The following ATG10 variants were observed in gnomAD, a reference collection of about 807,000 sequenced individuals.
ATG10 encodes the protein autophagy related 10.
ATG10 carries 30 observed loss-of-function variants against 32.1 expected under a neutral mutation model. The ratio of observed to expected loss-of-function variants is 0.94; its 90% CI spans 0.70 to 1.27. The LOEUF (loss-of-function observed/expected upper bound fraction) is 1.27, where lower values mean the gene tolerates loss of function less well. Among genes scored for constraint, ATG10 ranks in the 50% most tolerant of loss-of-function variants. The pLI, the probability that ATG10 is intolerant of heterozygous loss-of-function variation, is 0.00. For missense variants in ATG10, 233 were observed against 262.3 expected (o/e 0.89, Z 0.77); for synonymous variants, 87 against 91.5 (o/e 0.95, Z 0.28).
intron 5 of ATG10, among the ~76,000 whole-genome samples, chr5:82,248,796 C>T (rs1330187297): frequency 2.0e-5 from 3 of 151,780 alleles, no homozygotes. Flanking sequence ...TTCTTTTGAA[C>T]CAAAAGCATT....
chr5:82,229,257 G>A (rs1746253227), intron 5 of ATG10, among the ~76,000 whole-genome samples: 1 of 152,184 alleles, frequency 6.6e-6, no homozygotes, highest in Admixed American at 6.5e-5. Context: ...AGCTGTTACA[G>A]TACTGGAGGA....
intron 3 of ATG10, among the ~76,000 whole-genome samples, chr5:82,076,490 T>G (rs1343225993): frequency 6.6e-6 from 1 of 152,230 alleles, no homozygotes; most frequent in Non-Finnish European, 1.5e-5. Context: ...GAAATCCTCC[T>G]TGGTAACTTT....
intron 2 of ATG10, among the ~76,000 whole-genome samples, chr5:82,057,936 A>G (rs1763653292): frequency 6.6e-6 from 1 of 152,152 alleles, no homozygotes; most frequent in African/African-American, 2.4e-5. Flanking sequence ...ATACAGGACA[A>G]AACTTTCTTA....
At chr5:82,143,705 G>C (rs181242877) in intron 3 of ATG10, among the ~76,000 whole-genome samples, 95 of 152,280 alleles carry the variant, frequency 6.2e-4, no homozygotes, top group Middle Eastern at 3.4e-3. Flanking sequence ...AAAAGAGTTT[G>C]TTATCACTGT....
intron 5 of ATG10, among the ~76,000 whole-genome samples, chr5:82,214,108 A>G (rs549931552): frequency 6.6e-6 from 1 of 152,352 alleles, no homozygotes; most frequent in Admixed American, 6.5e-5. Context: ...GAAGGGTAAG[A>G]TGTCTGCTCA....
At chr5:82,073,859 A>T (rs1406419033) in intron 3 of ATG10, among the ~76,000 whole-genome samples, 1 of 152,166 alleles carries the variant, frequency 6.6e-6, no homozygotes, top group East Asian at 1.9e-4. Context: ...ACAAATGTTC[A>T]CTTTTATTAG....
intron 5 of ATG10, among the ~76,000 whole-genome samples, chr5:82,248,784 G>C (rs934317916): frequency 1.8e-4 from 28 of 151,918 alleles, no homozygotes; most frequent in African/African-American, 6.5e-4. Flanking sequence ...TTATAGGCTT[G>C]ATTCTTTTGA....
At chr5:82,009,918 C>A in intron 2 of ATG10, 1 of 1,611,014 alleles carries the variant, frequency 6.2e-7, no homozygotes, top group Admixed American at 1.7e-5. Context: ...ACACATAAAC[C>A]CTGGAATAAT....
chr5:82,141,056 A>G (rs1384139389), intron 3 of ATG10, among the ~76,000 whole-genome samples: 1 of 121,754 alleles, frequency 8.2e-6, no homozygotes, highest in East Asian at 2.5e-4. Flanking sequence ...ACCAATCCCT[A>G]ATCTCAAGTA....
At chr5:82,231,282 A>G (rs1013469834) in intron 5 of ATG10, among the ~76,000 whole-genome samples, 3 of 152,252 alleles carry the variant, frequency 2.0e-5, no homozygotes, top group African/African-American at 7.2e-5. Flanking sequence ...AATGTAAGAA[A>G]TTGATATGAT....
intron 3 of ATG10, among the ~76,000 whole-genome samples, chr5:82,157,457 T>A (rs1767848897): frequency 7.1e-6 from 1 of 140,788 alleles, no homozygotes. Context: ...CTTGTGACAG[T>A]CACTTACTCA....
At chr5:82,037,621 G>A (rs1762973607) in intron 2 of ATG10, among the ~76,000 whole-genome samples, 1 of 151,922 alleles carries the variant, frequency 6.6e-6, no homozygotes, top group Non-Finnish European at 1.5e-5. Context: ...TTGCTTTAAT[G>A]GAAATGTTTA....
At chr5:82,094,794 C>T (rs1357483804) in intron 3 of ATG10, among the ~76,000 whole-genome samples, 1 of 151,952 alleles carries the variant, frequency 6.6e-6, no homozygotes, top group Non-Finnish European at 1.5e-5. Context: ...CATGCATATA[C>T]ATTGAGTATA....
intron 3 of ATG10, 49 bp from the exon 4 acceptor site, chr5:82,164,350 C>T: frequency 6.4e-7 from 1 of 1,573,712 alleles, no homozygotes. Context: ...CATGTTAGTA[C>T]TTTTCTTATT....
rs369612318 is a variant in ATG10 at position 82,034,419 on chromosome 5, C to T, written c.109-24076C>T. 3.9e-4 allele frequency among the ~76,000 whole-genome samples: 59 copies of T among 152,314 alleles called. No individual in the cohort carries two copies. In the South Asian group the frequency reaches 0.011, roughly 28 times the overall value. On this transcript the variant is annotated intron_variant, in intron 2 of 7. Coordinates refer to ENST00000282185, the MANE Select transcript of ATG10 (RefSeq NM_031482.5). ...TAACACCTTCATTGTACCACCTTAG[C>T]GCAGGCTGTCATCTTTTTTCACCTG...
At chr5:81,991,003 C>A (rs550766227) in intron 2 of ATG10, among the ~76,000 whole-genome samples, 16 of 152,328 alleles carry the variant, frequency 1.1e-4, no homozygotes, top group African/African-American at 3.6e-4. Flanking sequence ...ATTTTATGAC[C>A]TCTGGGATTG....
intron 3 of ATG10, among the ~76,000 whole-genome samples, chr5:82,109,487 G>T (rs575074659): frequency 6.6e-6 from 1 of 151,938 alleles, no homozygotes; most frequent in South Asian, 2.1e-4. Context: ...CAAGAGAGTT[G>T]TTTGTGGATC....
intron 3 of ATG10, among the ~76,000 whole-genome samples, chr5:82,113,681 G>A (rs1330091045): frequency 1.3e-5 from 2 of 151,582 alleles, no homozygotes; most frequent in East Asian, 3.9e-4. Flanking sequence ...AAAATTAATT[G>A]GTTTTTTTGC....
At chr5:82,132,900 T>A (rs1766599344) in intron 3 of ATG10, among the ~76,000 whole-genome samples, 1 of 152,200 alleles carries the variant, frequency 6.6e-6, no homozygotes, top group African/African-American at 2.4e-5. Flanking sequence ...CTCCAGCATC[T>A]ATTGTTTCCT....
Sources: allele counts gnomAD v4.1 joint callset (sites outside exome capture counted in the v4.1 genomes callset), GRCh38; gene constraint gnomAD v4.1.1; transcripts MANE v1.5; gene names NCBI Gene and HGNC (gene_info 2026-07-23, HGNC 2026-07-21).